The following IPMK variants were observed in gnomAD, a reference collection of about 807,000 sequenced individuals.
IPMK encodes the protein inositol 1,3,4,6-tetrakisphosphate 5-kinase.
A neutral mutation model predicts 45.8 loss-of-function variants in IPMK; 17 were observed. The ratio of observed to expected loss-of-function variants is 0.37; its 90% confidence interval spans 0.25 to 0.56. The LOEUF is 0.56. Among genes scored for constraint, IPMK ranks in the 20% least tolerant of loss-of-function variants. IPMK has a pLI of 0.79. For synonymous variants in IPMK, 180 were observed against 184.3 expected (o/e 0.98, Z 0.19); for missense variants, 399 against 498.0 (o/e 0.80, Z 1.89).
At chr10:58,220,707 T>C (rs2790243) in intron 3 of IPMK, among the ~76,000 whole-genome samples, 12,614 of 152,264 alleles carry the variant, frequency 0.083, 1,322 homozygotes, top group African/African-American at 0.25. Context: ...ATTCCATATA[T>C]AATTACTGTC....
intron 1 of IPMK, among the ~76,000 whole-genome samples, chr10:58,248,223 A>C (rs898713054): frequency 1.1e-4 from 17 of 151,730 alleles, no homozygotes; most frequent in Non-Finnish European, 5.9e-5. Flanking sequence ...AATAATAATG[A>C]ATTTAAAAAA....
Position 58,194,773 on chromosome 10 carries a change from C to T in IPMK, c.*1303G>A, listed in dbSNP as rs775719878. ...GAAATGTTATTAGTGAATGGAAGTGCAAGTAATGGCAGCATTAACATCAAA... is the reference window on the plus strand; with the variant it reads ...GAAATGTTATTAGTGAATGGAAGTGTAAGTAATGGCAGCATTAACATCAAA... On this transcript the variant is annotated 3_prime_UTR_variant, in exon 6 of 6. Transcript: ENST00000373935. 3 of 151,832 alleles carry T rather than the reference C, an allele frequency of 2.0e-5. No homozygotes were observed. Among genetic ancestry groups the T allele is most frequent in the Admixed American group, 2.0e-4 (3 of 15,244 alleles). 9.4% of individuals were successfully genotyped at this position (151,832 alleles called of 1,614,324 possible).
intron 2 of IPMK, among the ~76,000 whole-genome samples, chr10:58,235,669 C>T (rs369828003): frequency 5.3e-5 from 8 of 152,098 alleles, no homozygotes; most frequent in Admixed American, 3.3e-4. Context: ...TCAGGGGCTG[C>T]GGGGCTGGGG....
intron 1 of IPMK, among the ~76,000 whole-genome samples, chr10:58,266,850 C>A (rs1839154819): frequency 6.6e-6 from 1 of 152,130 alleles, no homozygotes; most frequent in South Asian, 2.1e-4. Flanking sequence ...AACCACGCCT[C>A]CCAGAGAAAT....
intron 1 of IPMK, among the ~76,000 whole-genome samples, chr10:58,261,603 T>C (rs1839068933): frequency 6.6e-6 from 1 of 152,004 alleles, no homozygotes; most frequent in Non-Finnish European, 1.5e-5. Flanking sequence ...TTTTTTTTTT[T>C]TAGACAGTCT....
intron 1 of IPMK, among the ~76,000 whole-genome samples, chr10:58,251,383 A>G (rs916589899): frequency 9.2e-5 from 14 of 151,954 alleles, no homozygotes; most frequent in Admixed American, 6.6e-4. Flanking sequence ...ATTTGTTAAG[A>G]CTTGCTTTGG....
At chr10:58,226,024 A>C (rs1278207504) in intron 3 of IPMK, among the ~76,000 whole-genome samples, 1 of 152,190 alleles carries the variant, frequency 6.6e-6, no homozygotes, top group African/African-American at 2.4e-5. Context: ...GGGAGGAAGG[A>C]AAAAAGACAG....
At chr10:58,259,609 G>A (rs939893128) in intron 1 of IPMK, among the ~76,000 whole-genome samples, 1 of 147,530 alleles carries the variant, frequency 6.8e-6, no homozygotes, top group Non-Finnish European at 1.5e-5. Context: ...GAGGTGGGTG[G>A]ATCGCATGAG....
At chr10:58,260,435 T>A (rs1048100725) in intron 1 of IPMK, among the ~76,000 whole-genome samples, 4 of 152,208 alleles carry the variant, frequency 2.6e-5, no homozygotes, top group African/African-American at 9.6e-5. Flanking sequence ...TATGGTTAGG[T>A]GAGAAAATTG....
intron 3 of IPMK, among the ~76,000 whole-genome samples, chr10:58,221,372 T>C (rs1303114905): frequency 6.6e-6 from 1 of 152,098 alleles, no homozygotes; most frequent in African/African-American, 2.4e-5. Context: ...TATTTTTTTT[T>C]TTTTAAATTC....
chr10:58,262,354 T>A (rs1481306139), intron 1 of IPMK, among the ~76,000 whole-genome samples: 1 of 152,148 alleles, frequency 6.6e-6, no homozygotes, highest in African/African-American at 2.4e-5. Flanking sequence ...AATAAACATA[T>A]TAATATCACT....
rs201589707 is a variant in IPMK, at chr10:58,214,267, C to T, written c.546+1878G>A. 4.6e-5 allele frequency among the ~76,000 whole-genome samples: 7 copies of T among 152,090 alleles called. No homozygotes were observed. In the East Asian group the frequency reaches 7.7e-4, roughly 17 times the overall value. On this transcript the variant is annotated intron_variant, in intron 4 of 5. Transcript: ENST00000373935. The stretch of plus-strand genomic sequence containing the variant: ...GAGGACGGAAAATTCTTCAATGTGA[C>T]GGGAAAGAACAATGAGGGAATAAAA...
intron 4 of IPMK, among the ~76,000 whole-genome samples, chr10:58,201,055 C>A (rs545412558): frequency 7.4e-4 from 112 of 152,052 alleles, no homozygotes; most frequent in Non-Finnish European, 1.4e-3. Flanking sequence ...CATGTTTACA[C>A]TTATGAGGGA....
At chr10:58,260,025 C>T (rs903190774) in intron 1 of IPMK, among the ~76,000 whole-genome samples, 5 of 152,104 alleles carry the variant, frequency 3.3e-5, no homozygotes, top group Non-Finnish European at 7.4e-5. Context: ...CGATAACTTT[C>T]CTGTGGAAAA....
intron 1 of IPMK, among the ~76,000 whole-genome samples, chr10:58,242,102 G>A (rs539620957): frequency 1.9e-4 from 29 of 152,012 alleles, no homozygotes; most frequent in Admixed American, 3.3e-4. Context: ...AAATAATACC[G>A]TCAACAAATA....
chr10:58,263,607 C>T (rs1032588280), intron 1 of IPMK, among the ~76,000 whole-genome samples: 2 of 152,122 alleles, frequency 1.3e-5, no homozygotes, highest in Admixed American at 1.3e-4. Flanking sequence ...ATTGCTTGAG[C>T]CCTGAAGTTT....
At chr10:58,196,782 A>G in intron 5 of IPMK, 84 bp from the exon 6 acceptor site, 1 of 942,670 alleles carries the variant, frequency 1.1e-6, no homozygotes, top group East Asian at 2.6e-5. Context: ...GAATTCTCCA[A>G]TATTTTCCCC....
intron 1 of IPMK, among the ~76,000 whole-genome samples, chr10:58,264,789 A>T (rs1839125012): frequency 6.6e-6 from 1 of 152,220 alleles, no homozygotes; most frequent in Non-Finnish European, 1.5e-5. Context: ...AGTATACCGT[A>T]AGTGCAAAAA....
intron 1 of IPMK, among the ~76,000 whole-genome samples, chr10:58,249,385 G>A (rs1838850404): frequency 6.6e-6 from 1 of 152,086 alleles, no homozygotes; most frequent in African/African-American, 2.4e-5. Context: ...TGCTCAGTTT[G>A]ACGTTTTAAT....
Sources: gnomAD v4.1 joint callset for allele counts (sites outside exome capture counted in the v4.1 genomes callset) on GRCh38, gnomAD v4.1.1 for gene constraint, MANE v1.5 for transcripts, NCBI Gene and HGNC (gene_info 2026-07-23, HGNC 2026-07-21) for gene names.